Variants in KIF11 observed in about 807,000 individuals in gnomAD.
KIF11 encodes the protein kinesin family member 11.
A neutral mutation model predicts 121.0 loss-of-function variants in KIF11; 9 were observed. The ratio of observed to expected loss-of-function variants is 0.07; its 90% CI spans 0.04 to 0.13. The LOEUF is 0.13. Among genes scored for constraint, KIF11 ranks in the 10% least tolerant of loss-of-function variants. The pLI, the probability that KIF11 is intolerant of heterozygous loss-of-function variation, is 1.00. For missense variants in KIF11, 846 were observed against 1,217.5 expected (o/e 0.69, Z 4.54); for synonymous variants, 408 against 421.0 (o/e 0.97, Z 0.38).
chr10:92,613,013 A>G lies in KIF11; in HGVS notation c.699-27A>G. On this transcript the variant is annotated intron_variant, in intron 6 of 21. Coordinates refer to ENST00000260731, the MANE Select transcript of KIF11 (RefSeq NM_004523.4). The surrounding 1 kb of genome is among the most constrained non-coding windows in gnomAD (Gnocchi z 4.2). ...GCAAATGCTATTTTACATTATAATG[A>G]CTGGGCAACTTGATATTGTTTTCTA... The G allele has an allele frequency of 1.5e-6, 2 of 1,349,130 alleles. No individual in the cohort carries two copies. The highest frequency in any genetic ancestry group is 2.1e-6 in the Non-Finnish European group (2 of 949,632). The allele number at this position is 1,349,130 out of a possible 1,614,324, so 83.6% of individuals were successfully genotyped here.
chr10:92,607,264 A>G (rs1181946894), intron 4 of KIF11, 27 bp downstream of exon 4: 1 of 1,358,002 alleles, frequency 7.4e-7, no homozygotes, highest in Non-Finnish European at 1.1e-6. Context: ...ACATACTTTT[A>G]TCTCTAATGT....
chr10:92,651,548 T>TTTGAGAC (rs1844984273), intron 21 of KIF11, among the ~76,000 whole-genome samples: 1 of 117,108 alleles, frequency 8.5e-6, no homozygotes, highest in Non-Finnish European at 1.8e-5. Context: ...TTTTTTTTTT[T>TTTGAGAC]AGTAGAGGGG....
At chr10:92,645,777 G>T in intron 18 of KIF11, 135 bp downstream of exon 18, 1 of 661,034 alleles carries the variant, frequency 1.5e-6, no homozygotes, top group Non-Finnish European at 2.5e-6. Context: ...ATAATATTTG[G>T]TATGCTTACA....
At chr10:92,620,136 A>G (rs1348372160) in intron 9 of KIF11, among the ~76,000 whole-genome samples, 1 of 140,418 alleles carries the variant, frequency 7.1e-6, no homozygotes. Flanking sequence ...GCTAGAGTGC[A>G]GTGGTGCCAT....
chr10:92,653,527 A>G, intron 21 of KIF11, 138 bp from the exon 22 acceptor site: 1 of 681,026 alleles, frequency 1.5e-6, no homozygotes, highest in South Asian at 2.5e-5. Context: ...GTTGGCTCAA[A>G]CTTGTGCTGA....
intron 14 of KIF11, among the ~76,000 whole-genome samples, chr10:92,636,388 G>A (rs1844796791): frequency 6.6e-6 from 1 of 152,072 alleles, no homozygotes; most frequent in Non-Finnish European, 1.5e-5. Context: ...AGGCCAAGGT[G>A]GGTGGATCAC....
At chr10:92,641,124 C>T (rs138664653) in intron 17 of KIF11, among the ~76,000 whole-genome samples, 2 of 152,140 alleles carry the variant, frequency 1.3e-5, no homozygotes, top group African/African-American at 4.8e-5. Context: ...ACAGTCAGAC[C>T]TATGTTTTCT....
chr10:92,630,722 C>A lies in KIF11; in HGVS notation c.1494+358C>A, dbSNP rs571947565. On this transcript the variant is annotated intron_variant, in intron 12 of 21. Coordinates refer to ENST00000260731, the MANE Select transcript of KIF11 (RefSeq NM_004523.4). Reference sequence around the variant, plus strand: ...TCTCTACTAAAAATACAAAATTAGCCGGGCGTGGTGGCGCATGCCTGTAAT... The same window carrying A: ...TCTCTACTAAAAATACAAAATTAGCAGGGCGTGGTGGCGCATGCCTGTAAT... Among the ~76,000 whole-genome samples the A allele has an allele frequency of 3.2e-4, 49 of 151,294 alleles. 1 individual carries two copies. In the South Asian group the frequency reaches 5.4e-3, roughly 17 times the overall value.
chr10:92,604,170 TC>T (rs1844406105), intron 1 of KIF11, among the ~76,000 whole-genome samples: 1 of 152,204 alleles, frequency 6.6e-6, no homozygotes, highest in African/African-American at 2.4e-5. Context: ...GTTAGAGAAG[TC>T]TGGGTAGGAA....
intron 6 of KIF11, among the ~76,000 whole-genome samples, chr10:92,612,762 C>T (rs916527216): frequency 6.6e-6 from 1 of 152,140 alleles, no homozygotes; most frequent in Non-Finnish European, 1.5e-5. Flanking sequence ...CTGTTTCGAC[C>T]CCACCCACAT....
At chr10:92,622,151 G>A (rs1044914675) in intron 10 of KIF11, among the ~76,000 whole-genome samples, 9 of 152,198 alleles carry the variant, frequency 5.9e-5, no homozygotes, top group Non-Finnish European at 1.3e-4. Context: ...GTACATGCCC[G>A]TAATCATAGC....
intron 12 of KIF11, among the ~76,000 whole-genome samples, chr10:92,632,261 A>C (rs987522618): frequency 6.6e-6 from 1 of 151,358 alleles, no homozygotes; most frequent in Non-Finnish European, 1.5e-5. Context: ...TCCACCTCCC[A>C]GGTTCAAGCA....
chr10:92,620,494 C>T (rs1844605787), intron 9 of KIF11, among the ~76,000 whole-genome samples: 1 of 152,104 alleles, frequency 6.6e-6, no homozygotes, highest in South Asian at 2.1e-4. Flanking sequence ...TTATAAACTC[C>T]TAGATTTAAA....
chr10:92,615,166 G>A (rs148016385), intron 8 of KIF11, among the ~76,000 whole-genome samples: 2,495 of 152,198 alleles, frequency 0.016, 29 homozygotes, highest in Middle Eastern at 0.075. Flanking sequence ...CACTTTGGGA[G>A]GCTGAGGTGA....
At chr10:92,599,265 CCAG>C (rs1844338564) in intron 1 of KIF11, among the ~76,000 whole-genome samples, 1 of 151,508 alleles carries the variant, frequency 6.6e-6, no homozygotes, top group Middle Eastern at 3.2e-3. Context: ...ACCTGTTATC[CCAG>C]CACTTTGGGA....
rs557168039 is a variant in KIF11 at position 92,645,185 on chromosome 10, GAA to G, written c.2268-175_2268-174del. Among the ~76,000 whole-genome samples, 177 of 152,288 alleles carry G rather than the reference GAA, an allele frequency of 1.2e-3. 1 individual carries two copies. The highest frequency in any genetic ancestry group is 4.1e-3 in the African/African-American group (170 of 41,560). ...AAAGGTCATTTAATGGCAATGCTGT[GAA>G]AAGACAGTGGCCAAGGCATCCATTC... is the stretch of plus-strand genomic sequence containing the variant. On this transcript the variant is annotated intron_variant, in intron 17 of 21. Transcript: ENST00000260731.
intron 1 of KIF11, among the ~76,000 whole-genome samples, chr10:92,598,699 A>G (rs1159751272): frequency 2.6e-5 from 4 of 152,196 alleles, no homozygotes; most frequent in African/African-American, 4.8e-5. Context: ...CATCTTAACA[A>G]TATTAAGTCT....
At chr10:92,614,348 T>G (rs1008142129) in intron 8 of KIF11, among the ~76,000 whole-genome samples, 1 of 152,078 alleles carries the variant, frequency 6.6e-6, no homozygotes, top group Non-Finnish European at 1.5e-5. Flanking sequence ...CCGCCCGCCT[T>G]TGTCTCCCAA....
intron 14 of KIF11, among the ~76,000 whole-genome samples, chr10:92,634,106 C>T (rs1219858329): frequency 1.3e-5 from 2 of 152,086 alleles, no homozygotes; most frequent in Non-Finnish European, 2.9e-5. Context: ...GCCTTAGCCT[C>T]CCGAGTAGCT....
Sources: allele counts gnomAD v4.1 joint callset (sites outside exome capture counted in the v4.1 genomes callset), GRCh38; gene constraint gnomAD v4.1.1; non-coding constraint Gnocchi (gnomAD v3.1); transcripts MANE v1.5; gene names NCBI Gene and HGNC (gene_info 2026-07-23, HGNC 2026-07-21).